DPP4: variants seen among roughly 807,000 people sequenced by gnomAD.
The protein encoded by DPP4 is dipeptidyl peptidase 4, also known as ADCP-2.
In DPP4, 93 loss-of-function variants were observed where a neutral mutation model predicts 122.4. The ratio of observed to expected loss-of-function variants is 0.76; its 90% CI spans 0.64 to 0.90. The LOEUF (loss-of-function observed/expected upper bound fraction) is 0.90. DPP4 is among the 40% of genes least tolerant of loss of function. DPP4 has a pLI of 0.00. For synonymous variants in DPP4, 321 were observed against 302.9 expected (o/e 1.06, Z -0.62); for missense variants, 914 against 907.3 (o/e 1.01, Z -0.09).
intron 16 of DPP4, among the ~76,000 whole-genome samples, chr2:162,018,189 C>T (rs1682990583): frequency 6.6e-6 from 1 of 152,158 alleles, no homozygotes; most frequent in African/African-American, 2.4e-5. Context: ...GATCCTTTCT[C>T]CCATTTTGAG....
intron 23 of DPP4, 193 bp downstream of exon 23, chr2:162,005,552 C>T (rs1022324172): frequency 7.6e-5 from 40 of 526,946 alleles, no homozygotes; most frequent in East Asian, 5.5e-4. Context: ...ATATAGCATA[C>T]GATAAAGACT....
chr2:162,054,552 A>G (rs1684500257), intron 2 of DPP4, among the ~76,000 whole-genome samples: 1 of 152,176 alleles, frequency 6.6e-6, no homozygotes. Flanking sequence ...TAAGAGGTGG[A>G]ACCATTTGAA....
At chr2:162,069,128 T>G (rs762279689) in intron 2 of DPP4, among the ~76,000 whole-genome samples, 4 of 152,202 alleles carry the variant, frequency 2.6e-5, no homozygotes, top group Non-Finnish European at 5.9e-5. Context: ...ATTATGCAAT[T>G]ACAGATAACT....
rs1228487518 is a variant in DPP4, at chr2:161,999,734, G to A, written c.2053-4362C>T. On this transcript the variant is annotated intron_variant, in intron 23 of 25. Coordinates refer to ENST00000360534, the MANE Select transcript of DPP4 (RefSeq NM_001935.4). The stretch of plus-strand genomic sequence containing the variant: ...GCTGATAAGAGGAGGAGAGTACTAT[G>A]AGAAACAGAAGGTATAACAATTTTT... 2.6e-5 allele frequency among the ~76,000 whole-genome samples: 4 copies of A among 152,282 alleles called. No homozygotes were observed. In the East Asian group the frequency reaches 7.7e-4, roughly 29 times the overall value.
chr2:161,994,659 A>G lies in DPP4; in HGVS notation c.2199+302T>C, dbSNP rs73007374. Among the ~76,000 whole-genome samples, 991 of 152,300 alleles carry G rather than the reference A, an allele frequency of 6.5e-3. 9 individuals carry two copies. Among genetic ancestry groups the G allele is most frequent in the African/African-American group, 0.022 (929 of 41,546 alleles). On this transcript the variant is annotated intron_variant, in intron 25 of 25. Transcript: ENST00000360534. ...GAATTACTCTGCCACACATTTACTG[A>G]ACAAGTGATTACTTTTGAATCAAAA...
intron 2 of DPP4, among the ~76,000 whole-genome samples, chr2:162,065,792 C>CT (rs2106157821): frequency 6.6e-6 from 1 of 152,262 alleles, no homozygotes; most frequent in South Asian, 2.1e-4. Flanking sequence ...TTCCATAGCA[C>CT]TTTGATCATT....
chr2:162,009,746 G>A (rs1701375556), intron 20 of DPP4, among the ~76,000 whole-genome samples: 1 of 151,966 alleles, frequency 6.6e-6, no homozygotes, highest in Admixed American at 6.6e-5. Context: ...AAATGTCTCC[G>A]GGCCCCCTAC....
At chr2:161,999,397 G>A (rs1394553196) in intron 23 of DPP4, among the ~76,000 whole-genome samples, 1 of 152,200 alleles carries the variant, frequency 6.6e-6, no homozygotes, top group Non-Finnish European at 1.5e-5. Flanking sequence ...GGATGACTAA[G>A]TTAGAAGCCG....
intron 2 of DPP4, among the ~76,000 whole-genome samples, chr2:162,051,902 T>A (rs189497052): frequency 1.3e-5 from 2 of 152,294 alleles, no homozygotes; most frequent in Admixed American, 6.5e-5. Context: ...TTGGGAAAAT[T>A]ACTGAATCTT....
intron 10 of DPP4, among the ~76,000 whole-genome samples, chr2:162,028,245 C>T (rs1005050588): frequency 6.6e-6 from 1 of 151,896 alleles, no homozygotes; most frequent in Non-Finnish European, 1.5e-5. Flanking sequence ...ATCTGTAATC[C>T]CAGCTACTCG....
At chr2:162,015,724 C>A (rs1037796530) in intron 18 of DPP4, among the ~76,000 whole-genome samples, 1 of 152,108 alleles carries the variant, frequency 6.6e-6, no homozygotes, top group Admixed American at 6.5e-5. Flanking sequence ...TCAAGTCACC[C>A]GTCTACTAAT....
chr2:162,013,892 C>T (rs1021402523), intron 19 of DPP4, among the ~76,000 whole-genome samples: 7 of 152,236 alleles, frequency 4.6e-5, no homozygotes, highest in Non-Finnish European at 1.0e-4. Context: ...CTTGTGACTT[C>T]CTAACTTTCT....
At chr2:162,021,793 A>T (rs1683137361) in intron 12 of DPP4, among the ~76,000 whole-genome samples, 1 of 152,064 alleles carries the variant, frequency 6.6e-6, no homozygotes, top group South Asian at 2.1e-4. Flanking sequence ...GAAAAAACAT[A>T]TTTTTTTCAA....
At position 162,024,806 on chromosome 2, in the gene DPP4, C is replaced by T; in HGVS notation, c.1021G>A (p.Val341Met). 1 of 1,613,412 alleles carries T rather than the reference C, an allele frequency of 6.2e-7. No individual in the cohort carries two copies. The highest frequency in any genetic ancestry group is 8.5e-7 in the Non-Finnish European group (1 of 1,179,944). ...DESSGRWNCL[V>M]ARQHIEMSTT... ...AGAACATCCCCATTCAGTCTCACCA[C>T]TAAGCAGTTCCATCTTCCACTGGAT... The change falls in exon 11 of 26, where the codon GTG (valine) becomes ATG (methionine). Residue 341 changes from valine (V) to methionine (M), a missense_variant and splice_region_variant. By Grantham distance (21) the Val-to-Met change is conservative (BLOSUM62 1). Transcript: ENST00000360534.
chr2:162,004,602 C>CAA (rs397786035), intron 23 of DPP4, among the ~76,000 whole-genome samples: 3 of 151,666 alleles, frequency 2.0e-5, no homozygotes, highest in African/African-American at 7.3e-5. Flanking sequence ...CACACACACA[C>CAA]GCACACACAC....
At chr2:162,055,041 C>T (rs1684519050) in intron 2 of DPP4, among the ~76,000 whole-genome samples, 1 of 152,152 alleles carries the variant, frequency 6.6e-6, no homozygotes, top group African/African-American at 2.4e-5. Flanking sequence ...TCTGAAGCAC[C>T]TAACGGTGAG....
chr2:162,039,368 C>A (rs1460270557), intron 5 of DPP4, among the ~76,000 whole-genome samples, 184 bp from the exon 6 acceptor site: 1 of 151,982 alleles, frequency 6.6e-6, no homozygotes, highest in Non-Finnish European at 1.5e-5. Context: ...CTCATACAAA[C>A]TCCTCTGGAG....
At chr2:162,018,681 G>C in intron 16 of DPP4, 48 bp downstream of exon 16, 1 of 1,594,810 alleles carries the variant, frequency 6.3e-7, no homozygotes, top group Non-Finnish European at 8.5e-7. Flanking sequence ...CTGCTTCGAA[G>C]TGAGTAACAG....
intron 2 of DPP4, among the ~76,000 whole-genome samples, chr2:162,062,561 C>G (rs1482737888): frequency 6.6e-6 from 1 of 152,186 alleles, no homozygotes; most frequent in Non-Finnish European, 1.5e-5. Context: ...TGGCAAAATT[C>G]AGTTCATTGA....
Sources: allele counts gnomAD v4.1 joint callset (sites outside exome capture counted in the v4.1 genomes callset), GRCh38; gene constraint gnomAD v4.1.1; transcripts MANE v1.5; gene names NCBI Gene and HGNC (gene_info 2026-07-23, HGNC 2026-07-21).